The following DARS1 variants were observed in gnomAD, a reference collection of about 807,000 sequenced individuals.
DARS1 encodes aspartate--tRNA ligase, cytoplasmic.
DARS1 carries 51 observed loss-of-function variants against 68.8 expected under a neutral mutation model. The observed-to-expected ratio is 0.74, with a 90% CI of 0.59 to 0.94. DARS1 has a LOEUF of 0.94. Among genes scored for constraint, DARS1 ranks in the 40% least tolerant of loss-of-function variants. The pLI is 0.00. For missense variants in DARS1, 607 were observed against 597.3 expected (o/e 1.02, Z -0.17); for synonymous variants, 203 against 190.4 (o/e 1.07, Z -0.55).
chr2:135,960,025 A>G (rs1342137007), intron 4 of DARS1, among the ~76,000 whole-genome samples: 1 of 152,156 alleles, frequency 6.6e-6, no homozygotes, highest in Non-Finnish European at 1.5e-5. Context: ...CTGTGCAGAT[A>G]AAATTTCTAG....
intron 5 of DARS1, among the ~76,000 whole-genome samples, chr2:135,941,093 A>G (rs545828131): frequency 1.9e-4 from 29 of 152,328 alleles, no homozygotes; most frequent in African/African-American, 6.7e-4. Flanking sequence ...GCCCAAGGTA[A>G]TTTATAGATT....
chr2:135,960,548 T>C (rs1161076298), intron 4 of DARS1, among the ~76,000 whole-genome samples: 2 of 152,116 alleles, frequency 1.3e-5, no homozygotes, highest in African/African-American at 2.4e-5. Context: ...AGAAAAAATA[T>C]ATCATTTACT....
At chr2:135,946,251 A>G (rs1003243707) in intron 4 of DARS1, among the ~76,000 whole-genome samples, 2 of 152,186 alleles carry the variant, frequency 1.3e-5, no homozygotes, top group African/African-American at 2.4e-5. Flanking sequence ...AGATGGCATA[A>G]TATCTACAGG....
At chr2:135,930,181 C>T (rs781631839) in intron 7 of DARS1, among the ~76,000 whole-genome samples, 10 of 152,154 alleles carry the variant, frequency 6.6e-5, no homozygotes, top group Non-Finnish European at 1.5e-4. Context: ...CATTAGTGAA[C>T]TATAAAATAT....
intron 15 of DARS1, among the ~76,000 whole-genome samples, chr2:135,907,709 A>G (rs960213085): frequency 3.4e-4 from 52 of 152,210 alleles, no homozygotes; most frequent in Non-Finnish European, 4.4e-4. Context: ...AAACAAAACA[A>G]AAGACTTTAT....
chr2:135,917,104 C>A (rs907428870), intron 10 of DARS1, among the ~76,000 whole-genome samples: 1 of 151,814 alleles, frequency 6.6e-6, no homozygotes, highest in South Asian at 2.1e-4. Flanking sequence ...AAGGCTGCAG[C>A]GAGCCAAGAT....
rs565377645 is a variant in DARS1 at position 135,907,005 on chromosome 2, C to T, written c.*311G>A. Reference sequence around the variant, plus strand: ...AATCTTAACTGTTTAAAACTCTTAACGTTTACTGTAGTAACAGAATATGAA... The same window carrying T: ...AATCTTAACTGTTTAAAACTCTTAATGTTTACTGTAGTAACAGAATATGAA... On this transcript the variant is annotated 3_prime_UTR_variant, in exon 16 of 16. Transcript: ENST00000264161. 45 of 172,772 alleles carry T rather than the reference C, an allele frequency of 2.6e-4. No individual in the cohort carries two copies. Among genetic ancestry groups the T allele is most frequent in the African/African-American group, 9.3e-4 (39 of 42,064 alleles). 10.7% of individuals were successfully genotyped at this position (172,772 alleles called of 1,614,324 possible). A position where few individuals can be genotyped will look rare whatever the true frequency, so the allele number is the denominator to read the frequency against.
rs377412419 is a variant in DARS1, at chr2:135,985,408, C to T, written c.61G>A (p.Ala21Thr). Residue 21 changes from alanine (A) to threonine (T), a missense_variant, in exon 1 of 16, where the codon GCG becomes ACG. Coordinates refer to ENST00000264161, the MANE Select transcript of DARS1 (RefSeq NM_001349.4). ...CAGGAAAGGAGGAAACCCACTTCCG[C>T]CGCGTCCATGATCTCCCGCGGCTTC... ...QEKPREIMDAAEDYAKERYGI... is the reference protein window; with the variant it reads ...QEKPREIMDATEDYAKERYGI... The T allele has an allele frequency of 6.2e-7, 1 of 1,613,828 alleles. No individual in the cohort carries two copies. The highest frequency in any genetic ancestry group is 8.5e-7 in the Non-Finnish European group (1 of 1,179,936).
Position 135,912,651 on chromosome 2 carries a change from T to G in DARS1, c.1150-85A>C, listed in dbSNP as rs1052644926. 13 of 594,564 alleles carry G rather than the reference T, an allele frequency of 2.2e-5. No individual in the cohort carries two copies. In the African/African-American group the frequency reaches 2.5e-4, roughly 12 times the overall value. 36.8% of individuals were successfully genotyped at this position (594,564 alleles called of 1,614,324 possible). A position where few individuals can be genotyped will look rare whatever the true frequency, so the allele number is the denominator to read the frequency against. ...TGGTAATTAACTTTATACAAAAATT[T>G]TGGTTCTTCGTAATTACTCTAATTA... On this transcript the variant is annotated intron_variant, in intron 12 of 15. Transcript: ENST00000264161.
intron 9 of DARS1, 123 bp downstream of exon 9, chr2:135,922,661 G>C (rs1681128356): frequency 2.3e-6 from 3 of 1,291,876 alleles, no homozygotes; most frequent in Admixed American, 3.7e-5. Context: ...CATTTGTGTA[G>C]TCAGCAGATA....
intron 3 of DARS1, among the ~76,000 whole-genome samples, chr2:135,978,722 G>A (rs955013797): frequency 6.6e-6 from 1 of 152,172 alleles, no homozygotes. Context: ...TGTGCTGTCT[G>A]TCCAAAATGG....
chr2:135,972,428 C>CA (rs1163127426), intron 3 of DARS1, among the ~76,000 whole-genome samples: 1 of 152,170 alleles, frequency 6.6e-6, no homozygotes, highest in African/African-American at 2.4e-5. Context: ...AAAAATCAAT[C>CA]ACAATGAATT....
In DARS1 at chr2:135,943,235, A is replaced by G. The variant is rs982289869; in HGVS notation, c.423+143T>C. ...ACTAAGTACTGGGGTGATTTGTTAT[A>G]TAACAAAAGCTAATTGATTCAGTAA... On this transcript the variant is annotated intron_variant, in intron 5 of 15. Coordinates refer to ENST00000264161, the MANE Select transcript of DARS1 (RefSeq NM_001349.4). 5 of 1,202,158 alleles carry G rather than the reference A, an allele frequency of 4.2e-6. No individual in the cohort carries two copies. In the African/African-American group the frequency reaches 6.1e-5, roughly 15 times the overall value. 74.5% of individuals were successfully genotyped at this position (1,202,158 alleles called of 1,614,324 possible).
At chr2:135,952,868 A>G (rs947434739) in intron 4 of DARS1, among the ~76,000 whole-genome samples, 3 of 152,150 alleles carry the variant, frequency 2.0e-5, no homozygotes, top group African/African-American at 7.2e-5. Context: ...TGACATAATC[A>G]TTTCATTTCC....
chr2:135,946,513 C>A (rs1029120596), intron 4 of DARS1, among the ~76,000 whole-genome samples: 4 of 152,060 alleles, frequency 2.6e-5, no homozygotes, highest in African/African-American at 9.7e-5. Context: ...AAAGGGTAGG[C>A]GGAATGAAGG....
intron 3 of DARS1, among the ~76,000 whole-genome samples, chr2:135,966,643 T>C (rs1682242898): frequency 6.6e-6 from 1 of 152,212 alleles, no homozygotes; most frequent in South Asian, 2.1e-4. Context: ...GTGATTCTCC[T>C]GCCTCAGTCT....
In DARS1 at chr2:135,983,380, G is replaced by A; in HGVS notation, c.124+17C>T. On this transcript the variant is annotated intron_variant, in intron 2 of 15. Coordinates refer to ENST00000264161, the MANE Select transcript of DARS1 (RefSeq NM_001349.4). ...AGAAAGCAAAAAAGCTTTATTTACTGTCACATAGCTACTAACCTGGTTTTT... is the reference window on the plus strand; with the variant it reads ...AGAAAGCAAAAAAGCTTTATTTACTATCACATAGCTACTAACCTGGTTTTT... 1.1e-6 allele frequency: 1 copy of A among 933,526 alleles called. No homozygotes were observed. Among genetic ancestry groups the A allele is most frequent in the Non-Finnish European group, 1.8e-6 (1 of 568,382 alleles). 57.8% of individuals were successfully genotyped at this position (933,526 alleles called of 1,614,324 possible). A position where few individuals can be genotyped will look rare whatever the true frequency, so the allele number is the denominator to read the frequency against.
rs1682451058 is a variant in DARS1, at chr2:135,974,349, A to G, written c.217+4925T>C. Among the ~76,000 whole-genome samples, 6 of 152,362 alleles carry G rather than the reference A, an allele frequency of 3.9e-5. No homozygotes were observed. In the South Asian group the frequency reaches 1.2e-3, roughly 32 times the overall value. ...AGGTGAATTTGCGAATATGCAGTCCACGAATAATGAGGATCAACTACGTTA... is the reference window on the plus strand; with the variant it reads ...AGGTGAATTTGCGAATATGCAGTCCGCGAATAATGAGGATCAACTACGTTA... On this transcript the variant is annotated intron_variant, in intron 3 of 15. Transcript: ENST00000264161.
chr2:135,941,658 T>C (rs1228817625), intron 5 of DARS1, among the ~76,000 whole-genome samples: 4 of 150,282 alleles, frequency 2.7e-5, no homozygotes, highest in African/African-American at 9.8e-5. Context: ...AATTGACAAA[T>C]GGGATCTAAT....
Sources: allele counts gnomAD v4.1 joint callset (sites outside exome capture counted in the v4.1 genomes callset), GRCh38; gene constraint gnomAD v4.1.1; transcripts MANE v1.5; gene names NCBI Gene and HGNC (gene_info 2026-07-23, HGNC 2026-07-21).